Variants in PPM1E observed in about 807,000 individuals in gnomAD.
The protein encoded by PPM1E is protein phosphatase, Mg2+/Mn2+ dependent 1E.
PPM1E carries 20 observed loss-of-function variants against 65.9 expected under a neutral mutation model. That is an observed-to-expected ratio of 0.30 (90% CI 0.21 to 0.44). The LOEUF (loss-of-function observed/expected upper bound fraction) is 0.44. Ranked by LOEUF, PPM1E falls within the 20% of genes least tolerant of loss-of-function variation. PPM1E has a pLI of 1.00. For synonymous variants in PPM1E, 352 were observed against 374.9 expected (o/e 0.94, Z 0.70); for missense variants, 713 against 953.1 (o/e 0.75, Z 3.32).
chr17:58,934,214 C>T (rs1283304544), intron 1 of PPM1E, among the ~76,000 whole-genome samples: 1 of 151,162 alleles, frequency 6.6e-6, no homozygotes, highest in African/African-American at 2.4e-5. Flanking sequence ...TGTAATAGTA[C>T]AATTTGACTT....
intron 6 of PPM1E, among the ~76,000 whole-genome samples, chr17:58,973,533 G>C (rs2030784740): frequency 6.6e-6 from 1 of 150,806 alleles, no homozygotes; most frequent in South Asian, 2.1e-4. Context: ...ACAGTGGTTG[G>C]GACAGGCACA....
intron 1 of PPM1E, among the ~76,000 whole-genome samples, chr17:58,772,997 G>A (rs147647787): frequency 6.3e-5 from 9 of 141,882 alleles, no homozygotes; most frequent in African/African-American, 1.8e-4. Context: ...TCCTCTGATC[G>A]TTTCTCTCAT....
At chr17:58,849,774 G>C (rs557131696) in intron 1 of PPM1E, among the ~76,000 whole-genome samples, 9 of 152,178 alleles carry the variant, frequency 5.9e-5, no homozygotes, top group Non-Finnish European at 1.0e-4. Context: ...GAGTTCTGCA[G>C]ATGTCTATTA....
chr17:58,921,411 C>G (rs948662066), intron 1 of PPM1E, among the ~76,000 whole-genome samples: 2 of 152,070 alleles, frequency 1.3e-5, no homozygotes, highest in African/African-American at 4.8e-5. Flanking sequence ...TGGCTAGGTG[C>G]AGTGGCTCAT....
intron 1 of PPM1E, among the ~76,000 whole-genome samples, chr17:58,854,693 A>G (rs551172461): frequency 1.3e-5 from 2 of 152,030 alleles, no homozygotes; most frequent in African/African-American, 2.4e-5. Flanking sequence ...TTAATGTGGT[A>G]TATTACATTG....
At chr17:58,974,832 G>A (rs934077644) in intron 6 of PPM1E, among the ~76,000 whole-genome samples, 1 of 152,166 alleles carries the variant, frequency 6.6e-6, no homozygotes, top group African/African-American at 2.4e-5. Flanking sequence ...GTGCTAGCAA[G>A]CTGTGAAGTG....
chr17:58,902,340 TGAAG>T (rs2051508494), intron 1 of PPM1E, among the ~76,000 whole-genome samples: 1 of 152,058 alleles, frequency 6.6e-6, no homozygotes, highest in South Asian at 2.1e-4. Flanking sequence ...GGGGAAAAAA[TGAAG>T]GAAGATAAAT....
At chr17:58,800,468 G>T (rs1374544113) in intron 1 of PPM1E, among the ~76,000 whole-genome samples, 1 of 151,570 alleles carries the variant, frequency 6.6e-6, no homozygotes, top group Non-Finnish European at 1.5e-5. Flanking sequence ...ATTGAATATT[G>T]TCTCTTCTGT....
chr17:58,878,131 G>T (rs887017106), intron 1 of PPM1E, among the ~76,000 whole-genome samples: 3 of 152,112 alleles, frequency 2.0e-5, no homozygotes, highest in African/African-American at 7.2e-5. Context: ...GTTTGTATTT[G>T]TTATGATAAA....
chr17:58,811,916 A>G (rs1282872061), intron 1 of PPM1E, among the ~76,000 whole-genome samples: 1 of 152,052 alleles, frequency 6.6e-6, no homozygotes, highest in Non-Finnish European at 1.5e-5. Flanking sequence ...TGATCCATCC[A>G]CCTTGGCCTC....
At chr17:58,792,660 T>G (rs146034591) in intron 1 of PPM1E, among the ~76,000 whole-genome samples, 14 of 151,726 alleles carry the variant, frequency 9.2e-5, no homozygotes, top group African/African-American at 3.4e-4. Context: ...ATATCATAAT[T>G]ATATAATTTT....
In PPM1E at chr17:58,755,917, C is replaced by T. The variant is rs1598549939; in HGVS notation, c.-81C>T. ...CGGCCGTTAACCGCCCTTGCCGGAGCCCTAGGCTCAAAAGCAGCCCCTTAC... is the reference window on the plus strand; with the variant it reads ...CGGCCGTTAACCGCCCTTGCCGGAGTCCTAGGCTCAAAAGCAGCCCCTTAC... On this transcript the variant is annotated 5_prime_UTR_variant, in exon 1 of 7. Transcript: ENST00000308249. The T allele has an allele frequency of 1.0e-5, 16 of 1,581,330 alleles. No homozygotes were observed. In the East Asian group the frequency reaches 2.2e-4, roughly 22 times the overall value.
At chr17:58,846,609 T>C (rs1283435566) in intron 1 of PPM1E, among the ~76,000 whole-genome samples, 1 of 152,206 alleles carries the variant, frequency 6.6e-6, no homozygotes, top group Non-Finnish European at 1.5e-5. Flanking sequence ...TGCATCCTTT[T>C]TTATGGCTGC....
chr17:58,762,511 A>G (rs1275364707), intron 1 of PPM1E, among the ~76,000 whole-genome samples: 1 of 152,064 alleles, frequency 6.6e-6, no homozygotes, highest in East Asian at 1.9e-4. Context: ...CATAATATTG[A>G]TAATGCAAGT....
At chr17:58,794,333 C>T (rs963166100) in intron 1 of PPM1E, among the ~76,000 whole-genome samples, 9 of 152,276 alleles carry the variant, frequency 5.9e-5, no homozygotes, top group Middle Eastern at 3.4e-3. Flanking sequence ...CTGCCTCGGC[C>T]TCCCAAAGTG....
Position 58,868,875 on chromosome 17 carries a change from T to G in PPM1E, c.465-86774T>G, listed in dbSNP as rs544393507. On this transcript the variant is annotated intron_variant, in intron 1 of 6. Transcript: ENST00000308249. ...CTTAATCTAATCCATTTATAAAGTTTAAGTTACAAGGCCAGGCACTATGGC... is the reference window on the plus strand; with the variant it reads ...CTTAATCTAATCCATTTATAAAGTTGAAGTTACAAGGCCAGGCACTATGGC... 2.9e-4 allele frequency among the ~76,000 whole-genome samples: 44 copies of G among 152,266 alleles called. 1 individual carries two copies. The highest frequency in any genetic ancestry group is 1.0e-3 in the African/African-American group (42 of 41,556).
chr17:58,883,947 T>C (rs114815027), intron 1 of PPM1E, among the ~76,000 whole-genome samples: 1 of 151,874 alleles, frequency 6.6e-6, no homozygotes, highest in Non-Finnish European at 1.5e-5. Flanking sequence ...CAAAAAAAAA[T>C]AAAAATAAAA....
At chr17:58,972,680 T>C in intron 5 of PPM1E, 152 bp from the exon 6 acceptor site, 1 of 681,310 alleles carries the variant, frequency 1.5e-6, no homozygotes, top group Non-Finnish European at 2.5e-6. Flanking sequence ...CAATTATTGC[T>C]ATCACATCAG....
chr17:58,803,990 A>G (rs117461966), intron 1 of PPM1E, among the ~76,000 whole-genome samples: 1,888 of 152,316 alleles, frequency 0.012, 23 homozygotes, highest in Non-Finnish European at 0.019. Context: ...GTGCACTGGC[A>G]TGATCATAGC....
Sources: gnomAD v4.1 joint callset for allele counts (sites outside exome capture counted in the v4.1 genomes callset) on GRCh38, gnomAD v4.1.1 for gene constraint, MANE v1.5 for transcripts, NCBI Gene and HGNC (gene_info 2026-07-23, HGNC 2026-07-21) for gene names.